The following ANK3 variants were observed in gnomAD, a reference collection of about 807,000 sequenced individuals.
The protein encoded by ANK3 is ankyrin-3.
ANK3 carries 57 observed loss-of-function variants against 370.9 expected under a neutral mutation model. The observed-to-expected ratio is 0.15, with a 90% CI of 0.12 to 0.19. The LOEUF is 0.19. Ranked by LOEUF, ANK3 falls within the 10% of genes least tolerant of loss-of-function variation. ANK3 has a pLI of 1.00. For missense variants in ANK3, 4,439 were observed against 5,302.1 expected, an observed-to-expected ratio of 0.84 and a Z score of 5.06; for synonymous variants, 1,929 against 1,946.3, an observed-to-expected ratio of 0.99 and a Z score of 0.23.
intron 2 of ANK3, among the ~76,000 whole-genome samples, chr10:60,432,708 T>C (rs545538414): frequency 6.6e-6 from 1 of 152,272 alleles, no homozygotes; most frequent in South Asian, 2.1e-4. Flanking sequence ...TCTTGTACAT[T>C]CAGGTGGAGG....
At chr10:60,482,439 A>G (rs2075246907) in intron 2 of ANK3, among the ~76,000 whole-genome samples, 1 of 152,124 alleles carries the variant, frequency 6.6e-6, no homozygotes, top group African/African-American at 2.4e-5. Context: ...CCTTCACCAG[A>G]TTTACAAGTG....
chr10:60,706,563 A>G (rs1351274106), intron 1 of ANK3, among the ~76,000 whole-genome samples: 2 of 151,726 alleles, frequency 1.3e-5, no homozygotes, highest in Non-Finnish European at 2.9e-5. Flanking sequence ...AGCCCCTCTC[A>G]GGTGTATACT....
intron 1 of ANK3, among the ~76,000 whole-genome samples, chr10:60,694,818 A>T (rs531802489): frequency 9.9e-5 from 15 of 151,272 alleles, no homozygotes; most frequent in African/African-American, 3.6e-4. Flanking sequence ...GACCATCGAG[A>T]CTAGGAAGAA....
intron 38 of ANK3, among the ~76,000 whole-genome samples, chr10:60,064,806 G>A (rs529078133): frequency 6.6e-6 from 1 of 152,158 alleles, no homozygotes; most frequent in Non-Finnish European, 1.5e-5. Flanking sequence ...GGGGTGCAGT[G>A]AGCTGAGATT....
chr10:60,481,188 C>T (rs1033408478), intron 2 of ANK3, among the ~76,000 whole-genome samples: 7 of 152,158 alleles, frequency 4.6e-5, no homozygotes, highest in Admixed American at 4.6e-4. Context: ...TACTGTTTGT[C>T]AAACAGTAGC....
chr10:60,674,668 C>A (rs540282744), intron 1 of ANK3, among the ~76,000 whole-genome samples: 6 of 152,214 alleles, frequency 3.9e-5, no homozygotes, highest in African/African-American at 1.4e-4. Flanking sequence ...GAAAATAATG[C>A]CCAAGTCAAG....
chr10:60,331,786 T>C (rs1484696067), intron 1 of ANK3, among the ~76,000 whole-genome samples: 1 of 152,152 alleles, frequency 6.6e-6, no homozygotes, highest in African/African-American at 2.4e-5. Flanking sequence ...AAATAGTTTA[T>C]ATTTTAAACT....
intron 2 of ANK3, among the ~76,000 whole-genome samples, chr10:60,542,279 A>T (rs778726533): frequency 6.6e-6 from 1 of 151,882 alleles, no homozygotes; most frequent in Non-Finnish European, 1.5e-5. Flanking sequence ...TTTTATTGAG[A>T]CTGAGATGCT....
chr10:60,353,487 G>A (rs539655694), intron 1 of ANK3, among the ~76,000 whole-genome samples: 1 of 152,186 alleles, frequency 6.6e-6, no homozygotes, highest in South Asian at 2.1e-4. Flanking sequence ...CTGCCTATAG[G>A]ATTTCCTGCC....
At chr10:60,064,849 G>A (rs1053921873) in intron 38 of ANK3, among the ~76,000 whole-genome samples, 1 of 152,176 alleles carries the variant, frequency 6.6e-6, no homozygotes, top group African/African-American at 2.4e-5. Flanking sequence ...GCAATAGAGC[G>A]AGACCCTATC....
chr10:60,554,503 C>T (rs1416026375), intron 2 of ANK3, among the ~76,000 whole-genome samples: 3 of 151,976 alleles, frequency 2.0e-5, no homozygotes, highest in Admixed American at 6.6e-5. Context: ...AACTTCAAAA[C>T]GATGAAGCCA....
At chr10:60,391,591 A>G (rs553662435), upstream of ANK3, among the ~76,000 whole-genome samples, 4 of 152,328 alleles carry the variant, frequency 2.6e-5, no homozygotes, top group African/African-American at 9.6e-5. Flanking sequence ...ACAGCCAGCT[A>G]AAAAGCTGGC....
chr10:60,309,769 C>T (rs2045931576), intron 1 of ANK3, among the ~76,000 whole-genome samples: 1 of 151,894 alleles, frequency 6.6e-6, no homozygotes, highest in South Asian at 2.1e-4. Flanking sequence ...TTTAAAGCAT[C>T]AGAAAAAACA....
intron 2 of ANK3, among the ~76,000 whole-genome samples, chr10:60,511,616 A>G (rs192966699): frequency 2.0e-5 from 3 of 152,208 alleles, no homozygotes; most frequent in Non-Finnish European, 2.9e-5. Context: ...ATTATTTTCA[A>G]AGCATTCACA....
chr10:60,548,936 A>G (rs1245511279), intron 2 of ANK3, among the ~76,000 whole-genome samples: 1 of 152,174 alleles, frequency 6.6e-6, no homozygotes, highest in East Asian at 1.9e-4. Context: ...CCACAACTTG[A>G]TACCAAAATC....
chr10:60,403,410 C>G (rs574561140), intron 2 of ANK3, among the ~76,000 whole-genome samples: 1 of 152,278 alleles, frequency 6.6e-6, no homozygotes, highest in Non-Finnish European at 1.5e-5. Context: ...ATACACACCC[C>G]AGACTGATCT....
chr10:60,425,172 G>A (rs1330347383), intron 2 of ANK3, among the ~76,000 whole-genome samples: 2 of 152,026 alleles, frequency 1.3e-5, no homozygotes, highest in African/African-American at 4.8e-5. Flanking sequence ...TGTATATTCA[G>A]GTAGGAAGGC....
At chr10:60,324,880 T>C (rs2049464298) in intron 1 of ANK3, among the ~76,000 whole-genome samples, 1 of 152,200 alleles carries the variant, frequency 6.6e-6, no homozygotes, top group African/African-American at 2.4e-5. Flanking sequence ...TTAATAAATA[T>C]TTGGTGAATA....
At chr10:60,311,474 CAAAAAAA>C (rs57897005) in intron 1 of ANK3, among the ~76,000 whole-genome samples, 26 of 125,896 alleles carry the variant, frequency 2.1e-4, no homozygotes, top group Non-Finnish European at 2.0e-4. Context: ...ATATGGAAGC[CAAAAAAA>C]AAAAAAAAAA....
Sources: allele counts gnomAD v4.1 joint callset (sites outside exome capture counted in the v4.1 genomes callset), GRCh38; gene constraint gnomAD v4.1.1; transcripts MANE v1.5; gene names NCBI Gene and HGNC (gene_info 2026-07-23, HGNC 2026-07-21).